The following SEC24A variants were observed in gnomAD, a reference collection of about 807,000 sequenced individuals.
The protein encoded by SEC24A is SEC24 homolog A, COPII component.
SEC24A carries 93 observed loss-of-function variants against 129.4 expected under a neutral mutation model. That is an observed-to-expected ratio of 0.72 (90% CI 0.61 to 0.85). SEC24A has a LOEUF of 0.85. Among genes scored for constraint, SEC24A ranks in the 40% least tolerant of loss-of-function variants. SEC24A has a pLI of 0.00. For synonymous variants in SEC24A, 460 were observed against 467.3 expected (o/e 0.98, Z 0.20); for missense variants, 1,264 against 1,307.4 (o/e 0.97, Z 0.51).
At chr5:134,700,869 C>T (rs1751984804) in intron 15 of SEC24A, among the ~76,000 whole-genome samples, 1 of 152,106 alleles carries the variant, frequency 6.6e-6, no homozygotes, top group Non-Finnish European at 1.5e-5. Flanking sequence ...CAGGCGCCTG[C>T]TACCACTCCC....
At chr5:134,669,078 A>T (rs1750765229) in intron 3 of SEC24A, among the ~76,000 whole-genome samples, 1 of 151,952 alleles carries the variant, frequency 6.6e-6, no homozygotes, top group South Asian at 2.1e-4. Flanking sequence ...TCTCAAAAAA[A>T]AGAGTATCAA....
rs548035006 is a variant in SEC24A at position 134,648,810 on chromosome 5, C to T, written c.-267C>T. 1.5e-3 allele frequency: 463 copies of T among 316,818 alleles called. 1 individual carries two copies. The highest frequency in any genetic ancestry group is 5.0e-3 in the Middle Eastern group (6 of 1,210). 19.6% of individuals were successfully genotyped at this position (316,818 alleles called of 1,614,324 possible). On this transcript the variant is annotated 5_prime_UTR_variant, in exon 1 of 23. Transcript: ENST00000398844. ...ACTTCCGGCCAGGGCCTCCCTCCTT[C>T]TCTCTAGGTTTGGCTGCCGCCTTCT...
At position 134,661,502 on chromosome 5, in the gene SEC24A, G is replaced by A. The variant is rs770196197; in HGVS notation, c.481G>A (p.Val161Ile). The change falls in exon 2 of 23, where the codon GTA becomes ATA. Residue 161 changes from valine (V) to isoleucine (I), a missense_variant. By Grantham distance (29) the Val-to-Ile change is conservative (BLOSUM62 3). Transcript: ENST00000398844. Reference protein sequence around the residue: ...HCPRASSQPTVSGNTSLTTNH... With the variant: ...HCPRASSQPTISGNTSLTTNH... ...TCCTCGTGCATCATCCCAACCAACT[G>A]TATCTGGAAATACAAGTTTAACCAC... The A allele has an allele frequency of 2.5e-6, 4 of 1,614,072 alleles. No individual in the cohort carries two copies. The highest frequency in any genetic ancestry group is 1.3e-5 in the African/African-American group (1 of 75,036).
intron 19 of SEC24A, among the ~76,000 whole-genome samples, chr5:134,715,842 T>C (rs1336437175): frequency 1.4e-5 from 1 of 71,762 alleles, no homozygotes; most frequent in Non-Finnish European, 2.6e-5. Context: ...GTCCCAGAAC[T>C]TAAAGTATTA....
chr5:134,656,109 G>T (rs887144493), intron 1 of SEC24A, among the ~76,000 whole-genome samples: 1 of 143,172 alleles, frequency 7.0e-6, no homozygotes, highest in Non-Finnish European at 1.5e-5. Flanking sequence ...TTAAGACAGA[G>T]TCTTGCTCTG....
intron 19 of SEC24A, among the ~76,000 whole-genome samples, chr5:134,717,578 CTTAG>C (rs1752513735): frequency 2.0e-5 from 3 of 152,052 alleles, no homozygotes; most frequent in African/African-American, 7.2e-5. Flanking sequence ...GTCACAGTAG[CTTAG>C]TTAGATAAGT....
chr5:134,666,277 C>T (rs998580588), intron 2 of SEC24A, among the ~76,000 whole-genome samples: 3 of 151,992 alleles, frequency 2.0e-5, no homozygotes, highest in Admixed American at 6.6e-5. Context: ...AAATATGGTC[C>T]GGGCACAGTG....
intron 1 of SEC24A, among the ~76,000 whole-genome samples, chr5:134,660,225 G>T (rs1750403892): frequency 6.6e-6 from 1 of 151,648 alleles, no homozygotes; most frequent in South Asian, 2.1e-4. Context: ...AATTAGGCCG[G>T]CGTGGTGGTG....
At chr5:134,694,986 C>T (rs576842244) in intron 13 of SEC24A, among the ~76,000 whole-genome samples, 186 of 152,154 alleles carry the variant, frequency 1.2e-3, no homozygotes, top group Admixed American at 2.3e-3. Context: ...TGGTATCATT[C>T]CTGGAGTCAG....
chr5:134,704,629 T>C (rs1704992978), intron 16 of SEC24A, among the ~76,000 whole-genome samples: 1 of 151,910 alleles, frequency 6.6e-6, no homozygotes. Flanking sequence ...AGTGAGACAC[T>C]GTCTCTAAAA....
chr5:134,707,381 G>A (rs1233119153), intron 17 of SEC24A, among the ~76,000 whole-genome samples: 1 of 151,498 alleles, frequency 6.6e-6, no homozygotes, highest in African/African-American at 2.4e-5. Flanking sequence ...CCAGGGTGGA[G>A]TGCAGTGGCG....
Position 134,723,618 on chromosome 5 carries a change from A to G in SEC24A, c.3115A>G (p.Ile1039Val), listed in dbSNP as rs377119395. ...TPESARIIAF[I>V]SWLREQRPFF... ...AGAATCTGCCAGAATAATAGCTTTC[A>G]TCTCTTGGCTTAGAGAGCAGAGACC... is the stretch of plus-strand genomic sequence containing the variant. Residue 1039 changes from isoleucine (I) to valine (V), a missense_variant, in exon 22 of 23, where the codon ATC becomes GTC. Physicochemically the swap from Ile to Val is conservative, Grantham distance 29. Transcript: ENST00000398844. 3.2e-5 allele frequency: 51 copies of G among 1,613,652 alleles called. No homozygotes were observed. The East Asian group carries it at 1.0e-3, about 32-fold the overall frequency.
In SEC24A at chr5:134,703,821, C is replaced by T; in HGVS notation, c.2329C>T (p.Pro777Ser). Residue 777 changes from proline to serine, a missense_variant, in exon 16 of 23, where the codon CCT becomes TCT. Pro to Ser is a moderately conservative substitution (Grantham distance 74). Transcript: ENST00000398844. The part of the protein sequence containing the change: ...FVRSTDLLSL[P>S]NVNPDAGYAV... ...TAGGTCAACCGACTTACTGTCTTTGCCTAACGTCAACCCAGACGCTGGGTA... is the reference window on the plus strand; with the variant it reads ...TAGGTCAACCGACTTACTGTCTTTGTCTAACGTCAACCCAGACGCTGGGTA... 1 of 1,613,172 alleles carries T rather than the reference C, an allele frequency of 6.2e-7. No individual in the cohort carries two copies. Among genetic ancestry groups the T allele is most frequent in the Non-Finnish European group, 8.5e-7 (1 of 1,179,152 alleles).
chr5:134,649,554 T>A (rs546630265), intron 1 of SEC24A, among the ~76,000 whole-genome samples: 5 of 152,262 alleles, frequency 3.3e-5, no homozygotes, highest in African/African-American at 1.2e-4. Flanking sequence ...TCTTCTGGGT[T>A]CCGCAGGCCC....
At position 134,705,351 on chromosome 5, in the gene SEC24A, C is replaced by T; in HGVS notation, c.2465C>T (p.Thr822Ile). 6.2e-7 allele frequency: 1 copy of T among 1,613,150 alleles called. No individual in the cohort carries two copies. The highest frequency in any genetic ancestry group is 8.5e-7 in the Non-Finnish European group (1 of 1,179,514). The change falls in exon 17 of 23, where the codon ACT becomes ATT. Residue 822 changes from threonine to isoleucine, a missense_variant. Coordinates refer to ENST00000398844, the MANE Select transcript of SEC24A (RefSeq NM_021982.3). ...GGCGAAAGAAGAATTCGTGTTCATACTTTGTGTTTGCCAGTAGTTTCGACT... is the reference window on the plus strand; with the variant it reads ...GGCGAAAGAAGAATTCGTGTTCATATTTTGTGTTTGCCAGTAGTTTCGACT... The part of the protein sequence containing the change: ...SKGERRIRVH[T>I]LCLPVVSTLN...
chr5:134,710,394 A>G (rs778668615), intron 18 of SEC24A, among the ~76,000 whole-genome samples: 14 of 151,578 alleles, frequency 9.2e-5, no homozygotes, highest in Middle Eastern at 3.4e-3. Flanking sequence ...ACCACACCCC[A>G]GCTAATTTTT....
rs1341690847 is a variant in SEC24A at position 134,654,717 on chromosome 5, T to C, written c.97+5544T>C. Among the ~76,000 whole-genome samples, 3 of 152,150 alleles carry C rather than the reference T, an allele frequency of 2.0e-5. No individual in the cohort carries two copies. The East Asian group carries it at 5.8e-4, about 29-fold the overall frequency. On this transcript the variant is annotated intron_variant, in intron 1 of 22. Transcript: ENST00000398844. Reference sequence around the variant, plus strand: ...CCAGTTAGAAACTGCAGTTTTGTTTTGTTTTGTTTTGGTTTTTCAGAAATG... The same window carrying C: ...CCAGTTAGAAACTGCAGTTTTGTTTCGTTTTGTTTTGGTTTTTCAGAAATG...
intron 2 of SEC24A, among the ~76,000 whole-genome samples, chr5:134,662,301 C>T (rs2150072992): frequency 6.6e-6 from 1 of 152,064 alleles, no homozygotes; most frequent in Non-Finnish European, 1.5e-5. Flanking sequence ...ACTACAGGTG[C>T]CCGCCACCAC....
chr5:134,723,527 G>A, intron 21 of SEC24A, 40 bp from the exon 22 acceptor site: 1 of 1,168,014 alleles, frequency 8.6e-7, no homozygotes, highest in Non-Finnish European at 1.3e-6. Context: ...CATTAGATAT[G>A]TAATTAAAGT....
Sources: allele counts gnomAD v4.1 joint callset (sites outside exome capture counted in the v4.1 genomes callset), GRCh38; gene constraint gnomAD v4.1.1; transcripts MANE v1.5; gene names NCBI Gene and HGNC (gene_info 2026-07-23, HGNC 2026-07-21).